The following WDR45B variants were observed in gnomAD, a reference collection of about 807,000 sequenced individuals.
WDR45B encodes the protein WD repeat domain 45B.
In WDR45B, 20 loss-of-function variants were observed where a neutral mutation model predicts 44.6. That is an observed-to-expected ratio of 0.45 (90% CI 0.32 to 0.65). The LOEUF is 0.65. Among genes scored for constraint, WDR45B ranks in the 30% least tolerant of loss-of-function variants. The pLI, the probability that WDR45B is intolerant of heterozygous loss-of-function variation, is 0.05. For synonymous variants in WDR45B, 169 were observed against 164.9 expected (o/e 1.02, Z -0.19); for missense variants, 323 against 430.2 (o/e 0.75, Z 2.20).
At chr17:82,632,830 C>T (rs1392201007) in intron 2 of WDR45B, among the ~76,000 whole-genome samples, 2 of 152,060 alleles carry the variant, frequency 1.3e-5, no homozygotes, top group Non-Finnish European at 2.9e-5. Context: ...GAGTTCAAGG[C>T]CATCCTGGGC....
At chr17:82,629,181 AAT>A (rs2045737101) in intron 3 of WDR45B, among the ~76,000 whole-genome samples, 1 of 152,230 alleles carries the variant, frequency 6.6e-6, no homozygotes, top group Non-Finnish European at 1.5e-5. Flanking sequence ...ATCTCATACA[AAT>A]GGCTCCCTTG....
At chr17:82,622,794 C>G (rs2045636712) in intron 5 of WDR45B, among the ~76,000 whole-genome samples, 1 of 151,534 alleles carries the variant, frequency 6.6e-6, no homozygotes, top group Non-Finnish European at 1.5e-5. Flanking sequence ...CTTTAAACCT[C>G]TTATCAAGGC....
chr17:82,648,392 G>C lies in WDR45B; in HGVS notation c.-52C>G, dbSNP rs1439027080. On this transcript the variant is annotated 5_prime_UTR_variant, in exon 1 of 10. Transcript: ENST00000392325. ...CTCAGCGCTGCATGCCTCTCGCTGG[G>C]GACGGCGGCCTGGTCCCTTCGGGCC... 1.3e-6 allele frequency: 2 copies of C among 1,587,036 alleles called. No individual in the cohort carries two copies. Among genetic ancestry groups the C allele is most frequent in the Non-Finnish European group, 1.7e-6 (2 of 1,168,660 alleles).
chr17:82,621,491 AGG>A, intron 6 of WDR45B, 116 bp downstream of exon 6: 1 of 1,353,760 alleles, frequency 7.4e-7, no homozygotes, highest in Non-Finnish European at 1.0e-6. Context: ...CAGGCCCCTG[AGG>A]GGCTCCAGGT....
chr17:82,637,943 G>A (rs2045857083), intron 2 of WDR45B, among the ~76,000 whole-genome samples: 1 of 151,432 alleles, frequency 6.6e-6, no homozygotes, highest in African/African-American at 2.4e-5. Context: ...GGAGGCCGAG[G>A]CAGACAAATA....
At chr17:82,635,696 T>C (rs1246307739) in intron 2 of WDR45B, among the ~76,000 whole-genome samples, 2 of 151,968 alleles carry the variant, frequency 1.3e-5, no homozygotes, top group Non-Finnish European at 2.9e-5. Flanking sequence ...GTGCTGGGAT[T>C]ACAGGCATTA....
At chr17:82,617,224 C>G in intron 8 of WDR45B, 72 bp downstream of exon 8, 1 of 1,425,464 alleles carries the variant, frequency 7.0e-7, no homozygotes, top group Non-Finnish European at 9.8e-7. Context: ...GGGGGCCTGT[C>G]CCGTCCACAC....
In WDR45B at chr17:82,648,327, G is replaced by A. The variant is rs764663677; in HGVS notation, c.14C>T (p.Pro5Leu). Residue 5 changes from proline to leucine, a missense_variant, in exon 1 of 10, where the codon CCG becomes CTG. By Grantham distance (98) the Pro-to-Leu change is moderately conservative. Coordinates refer to ENST00000392325, the MANE Select transcript of WDR45B (RefSeq NM_019613.4). MNLL[P>L]CNPHGNGLLY... ...CAGCCCGTTGCCGTGAGGGTTACAC[G>A]GCAGGAGGTTCATGGCGCCGCCGTG... 2.5e-6 allele frequency: 4 copies of A among 1,606,892 alleles called. No homozygotes were observed. Among genetic ancestry groups the A allele is most frequent in the South Asian group, 2.2e-5 (2 of 90,452 alleles).
At chr17:82,639,447 C>G (rs527496528) in intron 2 of WDR45B, among the ~76,000 whole-genome samples, 1 of 152,038 alleles carries the variant, frequency 6.6e-6, no homozygotes, top group Non-Finnish European at 1.5e-5. Flanking sequence ...CCAATTTAAC[C>G]TTCTACCACC....
At chr17:82,616,955 C>T (rs1459408723) in intron 8 of WDR45B, among the ~76,000 whole-genome samples, 2 of 152,032 alleles carry the variant, frequency 1.3e-5, no homozygotes, top group African/African-American at 4.8e-5. Flanking sequence ...GTAGCTGGGA[C>T]TACAGGCACC....
At chr17:82,624,116 G>A (rs532929178) in intron 5 of WDR45B, among the ~76,000 whole-genome samples, 5 of 152,228 alleles carry the variant, frequency 3.3e-5, no homozygotes, top group East Asian at 3.9e-4. Flanking sequence ...GAACATGCAC[G>A]ACACTCCTCC....
At chr17:82,628,675 C>A (rs2045729535) in intron 3 of WDR45B, among the ~76,000 whole-genome samples, 1 of 151,966 alleles carries the variant, frequency 6.6e-6, no homozygotes, top group Non-Finnish European at 1.5e-5. Flanking sequence ...CCAAGCTGGG[C>A]AACAGAGGGA....
chr17:82,625,814 T>C (rs1165463124), intron 4 of WDR45B: 1 of 336,994 alleles, frequency 3.0e-6, no homozygotes, highest in Non-Finnish European at 5.7e-6. Context: ...TATGCTACTG[T>C]GTCTGGAAAA....
chr17:82,618,443 T>A (rs2045569333), intron 7 of WDR45B, among the ~76,000 whole-genome samples: 1 of 151,828 alleles, frequency 6.6e-6, no homozygotes, highest in African/African-American at 2.4e-5. Context: ...ACCAACATGG[T>A]CTCCAGCATT....
At chr17:82,617,650 G>A (rs1215054205) in intron 7 of WDR45B, 8 of 517,992 alleles carry the variant, frequency 1.5e-5, no homozygotes, top group African/African-American at 1.1e-4. Context: ...TGCAGCTGAT[G>A]AGCTGTGTGT....
At chr17:82,629,397 T>C (rs1458490895) in intron 3 of WDR45B, 3 of 627,322 alleles carry the variant, frequency 4.8e-6, no homozygotes, top group Non-Finnish European at 6.0e-6. Context: ...AATCCTGCCC[T>C]GCTCTCTCTG....
chr17:82,617,008 G>A (rs1208268967), intron 8 of WDR45B, among the ~76,000 whole-genome samples: 1 of 152,030 alleles, frequency 6.6e-6, no homozygotes, highest in South Asian at 2.1e-4. Flanking sequence ...GTAGAGATGG[G>A]GTTTCACCAT....
chr17:82,632,357 A>T (rs1568010528), intron 2 of WDR45B, among the ~76,000 whole-genome samples: 1 of 151,962 alleles, frequency 6.6e-6, no homozygotes, highest in South Asian at 2.1e-4. Flanking sequence ...TGTAGAGGCG[A>T]GGTCATACTG....
At chr17:82,641,138 TG>T (rs1445386583) in intron 2 of WDR45B, among the ~76,000 whole-genome samples, 1 of 152,064 alleles carries the variant, frequency 6.6e-6, no homozygotes, top group Non-Finnish European at 1.5e-5. Context: ...GCTAACTTTT[TG>T]TATTTGTAGT....
Sources: allele counts gnomAD v4.1 joint callset (sites outside exome capture counted in the v4.1 genomes callset), GRCh38; gene constraint gnomAD v4.1.1; transcripts MANE v1.5; gene names NCBI Gene and HGNC (gene_info 2026-07-23, HGNC 2026-07-21).